RALGPS1: variants seen among roughly 807,000 people sequenced by gnomAD.
RALGPS1 encodes the protein Ral GEF with PH domain and SH3 binding motif 1, also known as ras-specific guanine nucleotide-releasing factor RalGPS1.
Under a neutral mutation model 78.8 loss-of-function variants are expected in RALGPS1, and 19 were observed. That is an observed-to-expected ratio of 0.24 (90% CI 0.17 to 0.35). The LOEUF (loss-of-function observed/expected upper bound fraction) is 0.35, where lower values mean the gene tolerates loss of function less well. Ranked by LOEUF, RALGPS1 falls within the 10% of genes least tolerant of loss-of-function variation. The pLI, the probability that RALGPS1 is intolerant of heterozygous loss-of-function variation, is 1.00. For missense variants in RALGPS1, 454 were observed against 688.3 expected (o/e 0.66, Z 3.81); for synonymous variants, 228 against 256.3 (o/e 0.89, Z 1.06).
chr9:126,960,833 G>T (rs752872836), intron 1 of RALGPS1, among the ~76,000 whole-genome samples: 29 of 152,120 alleles, frequency 1.9e-4, no homozygotes, highest in Non-Finnish European at 3.8e-4. Flanking sequence ...CTTGAAGAAG[G>T]ACACACCATC....
At chr9:127,088,435 C>T (rs1016671799) in intron 8 of RALGPS1, 21 of 166,388 alleles carry the variant, frequency 1.3e-4, no homozygotes, top group Non-Finnish European at 1.0e-4. Flanking sequence ...TAATACAACA[C>T]TAATGAAATG....
At chr9:126,967,858 T>C (rs893876754) in intron 3 of RALGPS1, among the ~76,000 whole-genome samples, 3 of 152,144 alleles carry the variant, frequency 2.0e-5, no homozygotes, top group African/African-American at 7.2e-5. Context: ...TAAATTTAAA[T>C]TGCATATCTC....
intron 4 of RALGPS1, among the ~76,000 whole-genome samples, chr9:127,005,274 T>C (rs943458490): frequency 6.6e-6 from 1 of 152,242 alleles, no homozygotes; most frequent in African/African-American, 2.4e-5. Context: ...AGAATTGTTA[T>C]ACTGCAAACC....
chr9:127,062,417 G>C (rs1427989297), intron 7 of RALGPS1, among the ~76,000 whole-genome samples: 1 of 152,116 alleles, frequency 6.6e-6, no homozygotes, highest in African/African-American at 2.4e-5. Context: ...TTTTTAAAAA[G>C]ATAAAATCAT....
chr9:127,155,286 T>C (rs886262143), intron 8 of RALGPS1, among the ~76,000 whole-genome samples: 2 of 152,224 alleles, frequency 1.3e-5, no homozygotes, highest in Non-Finnish European at 2.9e-5. Context: ...TGCTGGGCCC[T>C]TGAGCATGCA....
chr9:127,036,976 A>G (rs777521183), intron 5 of RALGPS1, among the ~76,000 whole-genome samples: 1 of 152,216 alleles, frequency 6.6e-6, no homozygotes, highest in Non-Finnish European at 1.5e-5. Flanking sequence ...AGGGAATCCC[A>G]CAGGCCTGGG....
chr9:127,027,660 TC>T (rs1000339115), intron 4 of RALGPS1, among the ~76,000 whole-genome samples: 2 of 152,180 alleles, frequency 1.3e-5, no homozygotes, highest in African/African-American at 4.8e-5. Flanking sequence ...ATGCGTATTC[TC>T]CCCAATTAGC....
In RALGPS1 at chr9:127,091,166, C is replaced by G. The variant is rs1564558485; in HGVS notation, c.610+21810C>G. Among the ~76,000 whole-genome samples the G allele has an allele frequency of 1.3e-5, 2 of 152,262 alleles. 1 individual carries two copies. The highest frequency in any genetic ancestry group is 2.9e-5 in the Non-Finnish European group (2 of 68,050). ...CTTTAGGTACATTCTCTCTACCCTTCTCCCTACTCTGCAATGTAGTTCTTG... is the reference window on the plus strand; with the variant it reads ...CTTTAGGTACATTCTCTCTACCCTTGTCCCTACTCTGCAATGTAGTTCTTG... On this transcript the variant is annotated intron_variant, in intron 8 of 18. Coordinates refer to ENST00000259351, the MANE Select transcript of RALGPS1 (RefSeq NM_014636.3). The surrounding 1 kb of genome is among the most constrained non-coding windows in gnomAD (Gnocchi z 4.3).
chr9:127,186,768 G>T (rs1564749407), intron 11 of RALGPS1, among the ~76,000 whole-genome samples: 1 of 152,168 alleles, frequency 6.6e-6, no homozygotes, highest in Non-Finnish European at 1.5e-5. Context: ...CTTTTCTGCT[G>T]GGCCCCCCAC....
At chr9:127,001,086 T>A (rs929241609) in intron 4 of RALGPS1, among the ~76,000 whole-genome samples, 9 of 137,602 alleles carry the variant, frequency 6.5e-5, no homozygotes, top group South Asian at 2.6e-4. Flanking sequence ...ACTCTGTCTC[T>A]ACAAAACAAA....
chr9:127,184,549 ACCTGGAGAGGG>A (rs2060511568), intron 11 of RALGPS1, among the ~76,000 whole-genome samples: 1 of 152,206 alleles, frequency 6.6e-6, no homozygotes, highest in Non-Finnish European at 1.5e-5. Context: ...GGTCTGGCAG[ACCTGGAGAGGG>A]CCTGAGTCCT....
In RALGPS1 at chr9:126,952,652, A is replaced by AGTGTGTGTGTGTGTGTGTGT. The variant is rs768212640; in HGVS notation, c.-65-9572_-65-9571insTGTGTGTGTGTGTGTGTGTG. Among the ~76,000 whole-genome samples, 320 of 122,350 alleles carry AGTGTGTGTGTGTGTGTGTGT rather than the reference A, an allele frequency of 2.6e-3. 5 individuals carry two copies. The highest frequency in any genetic ancestry group is 0.016 in the Middle Eastern group (4 of 244). 80.3% of individuals were successfully genotyped at this position (122,350 alleles called of 152,430 possible). A position where few individuals can be genotyped will look rare whatever the true frequency, so the allele number is the denominator to read the frequency against. On this transcript the variant is annotated intron_variant, in intron 1 of 18. Coordinates refer to ENST00000259351, the MANE Select transcript of RALGPS1 (RefSeq NM_014636.3). The stretch of plus-strand genomic sequence containing the variant: ...CTGAGAGAGAGAGAGAGAGAGAGAG[A>AGTGTGTGTGTGTGTGTGTGT]GAGAGTGTGTGTGTGTGTGTGTGTG...
intron 8 of RALGPS1, among the ~76,000 whole-genome samples, chr9:127,115,106 T>C (rs932089951): frequency 6.6e-6 from 1 of 152,226 alleles, no homozygotes; most frequent in Admixed American, 6.5e-5. Flanking sequence ...CTCTATCTCA[T>C]TGGCTCTTAA....
chr9:127,151,542 A>G (rs1479154734), intron 8 of RALGPS1, among the ~76,000 whole-genome samples: 1 of 152,234 alleles, frequency 6.6e-6, no homozygotes, highest in Non-Finnish European at 1.5e-5. Flanking sequence ...GGTGGAGTGT[A>G]TAATTCAATT....
At chr9:126,924,606 C>T (rs2035087577) in intron 1 of RALGPS1, among the ~76,000 whole-genome samples, 1 of 152,078 alleles carries the variant, frequency 6.6e-6, no homozygotes, top group Admixed American at 6.6e-5. Context: ...TAGGAAAGCC[C>T]CAGTTTTAAT....
At chr9:126,969,566 AG>A (rs1232172775) in intron 3 of RALGPS1, among the ~76,000 whole-genome samples, 1 of 152,232 alleles carries the variant, frequency 6.6e-6, no homozygotes, top group Non-Finnish European at 1.5e-5. Context: ...TGGATCTCGC[AG>A]GCCAGTGGCC....
In RALGPS1 at chr9:127,045,089, A is replaced by T. The variant is rs190883649; in HGVS notation, c.301-4954A>T. Among the ~76,000 whole-genome samples, 19 of 152,092 alleles carry T rather than the reference A, an allele frequency of 1.2e-4. No homozygotes were observed. The East Asian group carries it at 1.9e-3, about 15-fold the overall frequency. On this transcript the variant is annotated intron_variant, in intron 5 of 18. Coordinates refer to ENST00000259351, the MANE Select transcript of RALGPS1 (RefSeq NM_014636.3). ...GTGAAGCCTGGGTTTTTATTTATTT[A>T]TTTTTTTAAGGCAGTGAAACTATAT...
At chr9:127,208,637 A>G (rs1314506054) in intron 14 of RALGPS1, among the ~76,000 whole-genome samples, 1 of 151,972 alleles carries the variant, frequency 6.6e-6, no homozygotes. Context: ...AGCACTCACT[A>G]CCTAGTGACT....
chr9:127,174,663 C>A, intron 10 of RALGPS1, 52 bp from the exon 11 acceptor site: 1 of 1,536,352 alleles, frequency 6.5e-7, no homozygotes, highest in South Asian at 1.1e-5. Context: ...CAAACAGGTT[C>A]CTGTGTGGTA....
Sources: allele counts gnomAD v4.1 joint callset (sites outside exome capture counted in the v4.1 genomes callset), GRCh38; gene constraint gnomAD v4.1.1; non-coding constraint Gnocchi (gnomAD v3.1); transcripts MANE v1.5; gene names NCBI Gene and HGNC (gene_info 2026-07-23, HGNC 2026-07-21).